The following MAP2K5 variants were observed in gnomAD, a reference collection of about 807,000 sequenced individuals.
The protein encoded by MAP2K5 is dual specificity mitogen-activated protein kinase kinase 5.
Under a neutral mutation model 83.1 loss-of-function variants are expected in MAP2K5, and 49 were observed. That is an observed-to-expected ratio of 0.59 (90% confidence interval 0.47 to 0.75). The LOEUF (loss-of-function observed/expected upper bound fraction) is 0.75, where lower values mean the gene tolerates loss of function less well. MAP2K5 is among the 30% of genes least tolerant of loss of function. MAP2K5 has a pLI of 0.00. For synonymous variants in MAP2K5, 202 were observed against 191.8 expected, an observed-to-expected ratio of 1.05 and a Z score of -0.44; for missense variants, 457 against 557.5, an observed-to-expected ratio of 0.82 and a Z score of 1.82.
At chr15:67,772,257 GTAT>G (rs1335315950) in intron 20 of MAP2K5, among the ~76,000 whole-genome samples, 1 of 151,960 alleles carries the variant, frequency 6.6e-6, no homozygotes, top group Non-Finnish European at 1.5e-5. Context: ...AGAATGAGAT[GTAT>G]TCTCATTTGA....
chr15:67,579,492 A>G (rs887218790), intron 3 of MAP2K5, among the ~76,000 whole-genome samples: 3 of 152,192 alleles, frequency 2.0e-5, no homozygotes, highest in Admixed American at 1.3e-4. Context: ...TGCCGTATGT[A>G]TATAAGTTTT....
chr15:67,647,607 C>T (rs1395753720), intron 11 of MAP2K5, among the ~76,000 whole-genome samples: 1 of 151,348 alleles, frequency 6.6e-6, no homozygotes. Flanking sequence ...AAAATATGGC[C>T]GGGCACGGTG....
In MAP2K5 at chr15:67,600,721, G is replaced by A; in HGVS notation, c.517G>A (p.Gly173Ser). Residue 173 changes from glycine to serine, a missense_variant, in exon 8 of 22, where the codon GGT becomes AGT. Transcript: ENST00000178640. ...AGACATACGATATCGGGACACTCTT[G>A]GTCATGGCAACGGAGGCACAGTCTA... ...EQDIRYRDTL[G>S]HGNGGTVYKA... 2 of 1,608,372 alleles carry A rather than the reference G, an allele frequency of 1.2e-6. No homozygotes were observed. The highest frequency in any genetic ancestry group is 2.2e-5 in the South Asian group (2 of 90,324).
intron 2 of MAP2K5, among the ~76,000 whole-genome samples, chr15:67,553,640 G>A (rs989960491): frequency 1.3e-5 from 2 of 152,150 alleles, no homozygotes; most frequent in Non-Finnish European, 2.9e-5. Context: ...GAGGCCGGGC[G>A]TGGTGGCTCA....
At chr15:67,729,978 G>A (rs542316397) in intron 17 of MAP2K5, among the ~76,000 whole-genome samples, 18 of 152,152 alleles carry the variant, frequency 1.2e-4, no homozygotes, top group Admixed American at 4.6e-4. Context: ...GAGTTGGGGC[G>A]GGAAACAACT....
At chr15:67,680,410 T>TGAG (rs921332032) in intron 13 of MAP2K5, among the ~76,000 whole-genome samples, 1 of 152,202 alleles carries the variant, frequency 6.6e-6, no homozygotes, top group Non-Finnish European at 1.5e-5. Context: ...ATATCAGATT[T>TGAG]GAGAAGAAAT....
chr15:67,776,083 A>G (rs771276152), intron 21 of MAP2K5, among the ~76,000 whole-genome samples: 3 of 152,268 alleles, frequency 2.0e-5, no homozygotes, highest in Non-Finnish European at 2.9e-5. Flanking sequence ...GTGACTTTCA[A>G]TTCTTTAAGA....
At chr15:67,709,977 T>C (rs796154016) in intron 16 of MAP2K5, among the ~76,000 whole-genome samples, 2 of 152,206 alleles carry the variant, frequency 1.3e-5, no homozygotes, top group South Asian at 2.1e-4. Flanking sequence ...TTATTAAGGT[T>C]GATGGTGAAT....
At chr15:67,580,654 A>G (rs530429386) in intron 3 of MAP2K5, 100 bp from the exon 4 acceptor site, 2 of 772,398 alleles carry the variant, frequency 2.6e-6, no homozygotes, top group South Asian at 1.4e-5. Flanking sequence ...ATATGTATAT[A>G]CCAGCAATTT....
At chr15:67,597,105 C>T (rs376162584) in intron 7 of MAP2K5, among the ~76,000 whole-genome samples, 20 of 150,368 alleles carry the variant, frequency 1.3e-4, no homozygotes, top group African/African-American at 4.9e-4. Flanking sequence ...GGAGGCGGAG[C>T]TTGCAGTGAG....
chr15:67,655,855 C>T (rs1174034113), intron 11 of MAP2K5, among the ~76,000 whole-genome samples: 1 of 152,022 alleles, frequency 6.6e-6, no homozygotes, highest in Non-Finnish European at 1.5e-5. Flanking sequence ...AGCATATGTC[C>T]GTATGCTGGA....
intron 8 of MAP2K5, among the ~76,000 whole-genome samples, chr15:67,616,541 A>AG (rs1396282357): frequency 1.3e-5 from 2 of 152,200 alleles, no homozygotes; most frequent in African/African-American, 4.8e-5. Flanking sequence ...GATATCTCAC[A>AG]AGCTGTGAAA....
chr15:67,588,833 A>G (rs888917685), intron 6 of MAP2K5, among the ~76,000 whole-genome samples: 7 of 152,074 alleles, frequency 4.6e-5, no homozygotes, highest in African/African-American at 1.4e-4. Flanking sequence ...TTACTTTTTT[A>G]GAGATGGGAT....
intron 8 of MAP2K5, among the ~76,000 whole-genome samples, chr15:67,610,529 ATTTACT>A: frequency 6.6e-6 from 1 of 152,142 alleles, no homozygotes; most frequent in Non-Finnish European, 1.5e-5. Context: ...CATCTAGGGT[ATTTACT>A]TAAATTGCTT....
intron 15 of MAP2K5, among the ~76,000 whole-genome samples, chr15:67,695,024 C>T (rs535030809): frequency 6.6e-6 from 1 of 151,292 alleles, no homozygotes; most frequent in South Asian, 2.1e-4. Context: ...AAACCAAACA[C>T]CACATATTCT....
At chr15:67,585,344 G>C (rs2085266875) in intron 4 of MAP2K5, among the ~76,000 whole-genome samples, 1 of 152,116 alleles carries the variant, frequency 6.6e-6, no homozygotes, top group Non-Finnish European at 1.5e-5. Context: ...CTTAGCATAT[G>C]TCAAGATTTG....
intron 15 of MAP2K5, among the ~76,000 whole-genome samples, chr15:67,696,955 G>A (rs972824245): frequency 1.6e-4 from 25 of 152,234 alleles, no homozygotes; most frequent in African/African-American, 6.0e-4. Flanking sequence ...CTCCAGCCTG[G>A]GCAACAAGAG....
At chr15:67,556,061 C>T (rs999322791) in intron 2 of MAP2K5, among the ~76,000 whole-genome samples, 2 of 152,224 alleles carry the variant, frequency 1.3e-5, no homozygotes, top group East Asian at 1.9e-4. Context: ...GCTAGGATTA[C>T]AGGCATGAGC....
At position 67,780,575 on chromosome 15, in the gene MAP2K5, T is replaced by G. The variant is rs2090312818; in HGVS notation, c.1242+7823T>G. On this transcript the variant is annotated intron_variant, in intron 21 of 21. Transcript: ENST00000178640. This position sits in a 1 kb window ranked among gnomAD's most constrained non-coding sequence, Gnocchi z 5.0. ...GAACTCAGAGTAAAGCTGAAGAAAC[T>G]AATCCAAGAACAAGCAATCCCTGGA... Among the ~76,000 whole-genome samples the G allele has an allele frequency of 6.6e-6, 1 of 152,190 alleles. No individual in the cohort carries two copies. Among genetic ancestry groups the G allele is most frequent in the African/African-American group, 2.4e-5 (1 of 41,448 alleles).
Sources: allele counts gnomAD v4.1 joint callset (sites outside exome capture counted in the v4.1 genomes callset), GRCh38; gene constraint gnomAD v4.1.1; non-coding constraint Gnocchi (gnomAD v3.1); transcripts MANE v1.5; gene names NCBI Gene and HGNC (gene_info 2026-07-23, HGNC 2026-07-21).